ROBO2: variants seen among roughly 807,000 people sequenced by gnomAD.
ROBO2 encodes roundabout homolog 2.
ROBO2 carries 53 observed loss-of-function variants against 160.8 expected under a neutral mutation model. The observed-to-expected ratio is 0.33, with a 90% confidence interval of 0.26 to 0.41. The LOEUF is 0.41. Ranked by LOEUF, ROBO2 falls within the 10% of genes least tolerant of loss-of-function variation. ROBO2 has a pLI of 1.00. For synonymous variants in ROBO2, 664 were observed against 611.7 expected, an observed-to-expected ratio of 1.09 and a Z score of -1.26; for missense variants, 1,577 against 1,722.4, an observed-to-expected ratio of 0.92 and a Z score of 1.49.
At chr3:77,295,798 G>C (rs1213570931) in intron 2 of ROBO2, among the ~76,000 whole-genome samples, 3 of 149,940 alleles carry the variant, frequency 2.0e-5, no homozygotes, top group African/African-American at 7.4e-5. Context: ...AAATGGGTAA[G>C]CTGAGGCTAG....
Position 77,098,341 on chromosome 3 carries a change from G to A in ROBO2, c.388+1G>A. On this transcript the variant is annotated splice_donor_variant, in intron 2 of 25. Transcript: ENST00000461745. LOFTEE classifies it high-confidence loss of function. ...CGAAATGCGTCTCTGGAAGTGGCAT[G>A]TAAGTGAACATAATGAACCTCATGT... is the stretch of plus-strand genomic sequence containing the variant. 6.2e-7 allele frequency: 1 copy of A among 1,614,028 alleles called. No homozygotes were observed.
rs116982720 is a variant in ROBO2, at chr3:76,367,062, A to G, written c.109+429460A>G. Among the ~76,000 whole-genome samples, 268 of 152,192 alleles carry G rather than the reference A, an allele frequency of 1.8e-3. 3 individuals are homozygous for G. In the East Asian group the frequency reaches 0.03, roughly 17 times the overall value. ...TTTTATATGAATTTCATTTTTAAGA[A>G]ACTTTTAATTTCCTAAACTTGTTCC... On this transcript the variant is annotated intron_variant, in intron 2 of 26. Coordinates refer to the ROBO2 transcript ENST00000487694.
At chr3:77,007,622 T>G (rs1465711897) in intron 2 of ROBO2, among the ~76,000 whole-genome samples, 5 of 152,160 alleles carry the variant, frequency 3.3e-5, no homozygotes, top group Non-Finnish European at 7.4e-5. Context: ...CAAAATATTT[T>G]CATGGCAGTA....
chr3:76,730,176 C>T (rs533906278), intron 2 of ROBO2, among the ~76,000 whole-genome samples: 1 of 151,368 alleles, frequency 6.6e-6, no homozygotes, highest in Admixed American at 6.6e-5. Context: ...ACCCACTTTT[C>T]CTCACCTCCT....
intron 2 of ROBO2, among the ~76,000 whole-genome samples, chr3:76,783,203 A>G (rs1397973954): frequency 6.6e-6 from 1 of 150,876 alleles, no homozygotes. Flanking sequence ...ACAATTTACA[A>G]CTTTTTATAT....
intron 8 of ROBO2, among the ~76,000 whole-genome samples, chr3:77,553,367 C>T (rs549143465): frequency 6.6e-6 from 1 of 151,998 alleles, no homozygotes; most frequent in African/African-American, 2.4e-5. Context: ...CCTCCCTATT[C>T]CTCGAGACAC....
At chr3:76,858,104 C>T (rs976113158) in intron 2 of ROBO2, among the ~76,000 whole-genome samples, 4 of 151,454 alleles carry the variant, frequency 2.6e-5, no homozygotes, top group Non-Finnish European at 5.9e-5. Flanking sequence ...GCATAGCACT[C>T]GCTAGTACAC....
At chr3:77,638,154 A>G (rs568458998) in intron 24 of ROBO2, among the ~76,000 whole-genome samples, 5 of 152,364 alleles carry the variant, frequency 3.3e-5, no homozygotes, top group East Asian at 3.9e-4. Context: ...CAGCAAATGC[A>G]TATGCCATAG....
chr3:76,072,109 T>G (rs975984325), intron 2 of ROBO2, among the ~76,000 whole-genome samples: 4 of 152,166 alleles, frequency 2.6e-5, no homozygotes, highest in African/African-American at 9.7e-5. Context: ...ACATACTGTG[T>G]TCTAGCATTC....
chr3:77,119,783 A>C (rs1440184163), intron 2 of ROBO2, among the ~76,000 whole-genome samples: 1 of 152,242 alleles, frequency 6.6e-6, no homozygotes, highest in African/African-American at 2.4e-5. Context: ...CCATTTTTAG[A>C]GGCTCTGGAC....
At chr3:76,889,765 TGGAATAGAGAGTGCTTGG>T (rs905950037) in intron 2 of ROBO2, among the ~76,000 whole-genome samples, 2 of 152,174 alleles carry the variant, frequency 1.3e-5, no homozygotes, top group African/African-American at 4.8e-5. Context: ...ATAAGAAAAT[TGGAATAGAGAGTGCTTGG>T]GGAAAAGCTG....
At chr3:77,132,676 C>T (rs1160056755) in intron 2 of ROBO2, among the ~76,000 whole-genome samples, 2 of 151,260 alleles carry the variant, frequency 1.3e-5, no homozygotes, top group Non-Finnish European at 2.9e-5. Flanking sequence ...TAAAGAGTCA[C>T]TACATCTCTT....
chr3:76,182,876 C>T, intron 2 of ROBO2, among the ~76,000 whole-genome samples: 1 of 152,160 alleles, frequency 6.6e-6, no homozygotes, highest in East Asian at 1.9e-4. Context: ...AGCTTTATCA[C>T]TGGAAACATT....
intron 2 of ROBO2, among the ~76,000 whole-genome samples, chr3:77,293,464 C>T (rs533341502): frequency 8.4e-4 from 114 of 136,300 alleles, no homozygotes; most frequent in South Asian, 2.3e-3. Context: ...GTAAAATTGA[C>T]GGTTAAATGG....
chr3:76,878,046 A>G (rs1310052475), intron 2 of ROBO2, among the ~76,000 whole-genome samples: 2 of 152,202 alleles, frequency 1.3e-5, no homozygotes, highest in African/African-American at 4.8e-5. Context: ...TAAAAGCCCT[A>G]TCTCCAAATG....
chr3:76,287,119 C>G (rs536176123), intron 2 of ROBO2, among the ~76,000 whole-genome samples: 1 of 152,190 alleles, frequency 6.6e-6, no homozygotes, highest in East Asian at 1.9e-4. Context: ...GTGCCATCAA[C>G]TAATCTATCC....
chr3:76,605,662 G>T (rs1404848441), intron 2 of ROBO2, among the ~76,000 whole-genome samples: 1 of 152,142 alleles, frequency 6.6e-6, no homozygotes, highest in South Asian at 2.1e-4. Context: ...GGGAGCTGGG[G>T]ATAATAGATT....
At chr3:76,553,050 G>T (rs544068569) in intron 2 of ROBO2, among the ~76,000 whole-genome samples, 5 of 152,268 alleles carry the variant, frequency 3.3e-5, no homozygotes, top group East Asian at 3.9e-4. Flanking sequence ...GACGGCTGAT[G>T]AATTCAATAG....
chr3:75,939,543 A>G (rs560376280), intron 2 of ROBO2, among the ~76,000 whole-genome samples: 1 of 152,282 alleles, frequency 6.6e-6, no homozygotes, highest in East Asian at 1.9e-4. Context: ...AAAAGGATAA[A>G]TTAAAATAGA....
Sources: allele counts gnomAD v4.1 joint callset (sites outside exome capture counted in the v4.1 genomes callset), GRCh38; gene constraint gnomAD v4.1.1; transcripts MANE v1.5; gene names NCBI Gene and HGNC (gene_info 2026-07-23, HGNC 2026-07-21).